Variants in RAB2A observed in about 807,000 individuals in gnomAD.
The protein encoded by RAB2A is ras-related protein Rab-2A.
In RAB2A, 7 loss-of-function variants were observed where a neutral mutation model predicts 32.5. The observed-to-expected ratio is 0.22, with a 90% CI of 0.12 to 0.40. The LOEUF (loss-of-function observed/expected upper bound fraction) is 0.40. Ranked by LOEUF, RAB2A falls within the 10% of genes least tolerant of loss-of-function variation. The pLI, the probability that RAB2A is intolerant of heterozygous loss-of-function variation, is 1.00. For synonymous variants in RAB2A, 79 were observed against 85.2 expected, an observed-to-expected ratio of 0.93 and a Z score of 0.40; for missense variants, 108 against 260.7, an observed-to-expected ratio of 0.41 and a Z score of 4.03.
At chr8:60,612,837 C>T (rs943854359) in intron 6 of RAB2A, among the ~76,000 whole-genome samples, 6 of 152,154 alleles carry the variant, frequency 3.9e-5, no homozygotes, top group East Asian at 1.9e-4. Context: ...TAGAAAGAGG[C>T]GGGGAAGAGG....
chr8:60,551,246 G>T (rs1375675066), intron 1 of RAB2A, among the ~76,000 whole-genome samples: 1 of 152,086 alleles, frequency 6.6e-6, no homozygotes, highest in African/African-American at 2.4e-5. Context: ...CACACATGTT[G>T]GGAAAAAACA....
At chr8:60,585,302 G>A (rs1486458080) in intron 5 of RAB2A, among the ~76,000 whole-genome samples, 3 of 150,578 alleles carry the variant, frequency 2.0e-5, no homozygotes, top group Non-Finnish European at 4.4e-5. Context: ...GTTTTGTTTT[G>A]TTTTGTTTTG....
intron 6 of RAB2A, among the ~76,000 whole-genome samples, chr8:60,617,726 CAG>C (rs1346373821): frequency 6.6e-6 from 1 of 152,154 alleles, no homozygotes; most frequent in Non-Finnish European, 1.5e-5. Context: ...TCCTAGGCGA[CAG>C]GGTGAGCCCC....
intron 6 of RAB2A, among the ~76,000 whole-genome samples, chr8:60,595,930 T>C (rs1586104867): frequency 1.3e-5 from 2 of 152,130 alleles, no homozygotes; most frequent in East Asian, 1.9e-4. Context: ...TAACAGAAAA[T>C]AGGAAAATCT....
chr8:60,585,282 T>TTTTGTTTTGTTTTGTTTTG lies in RAB2A; in HGVS notation c.362+470_362+471insGTTTTGTTTTGTTTTGTTT, dbSNP rs1563478268. 2.5e-3 allele frequency among the ~76,000 whole-genome samples: 367 copies of TTTTGTTTTGTTTTGTTTTG among 148,652 alleles called. 3 individuals carry two copies. The highest frequency in any genetic ancestry group is 8.3e-3 in the African/African-American group (329 of 39,600). ...ATTTTCAAAATGCTAGGCACCATTC[T>TTTTGTTTTGTTTTGTTTTG]TTTTGTTTTGTTTTGTTTTGTTTTG... On this transcript the variant is annotated intron_variant, in intron 5 of 7. Coordinates refer to ENST00000262646, the MANE Select transcript of RAB2A (RefSeq NM_002865.3).
Position 60,620,657 on chromosome 8 carries a change from G to A in RAB2A, c.544-17G>A. 7.0e-6 allele frequency: 11 copies of A among 1,561,620 alleles called. No homozygotes were observed. The highest frequency in any genetic ancestry group is 9.7e-6 in the Non-Finnish European group (11 of 1,134,276). On this transcript the variant is annotated splice_polypyrimidine_tract_variant and intron_variant, in intron 7 of 7. Coordinates refer to ENST00000262646, the MANE Select transcript of RAB2A (RefSeq NM_002865.3). ...ATTGTCTGGTCATATTTATTGTTCT[G>A]TTCTCTTTTATTTCAGGCAAATGGC... is the stretch of plus-strand genomic sequence containing the variant.
At chr8:60,527,547 C>T (rs930695488) in intron 1 of RAB2A, among the ~76,000 whole-genome samples, 1 of 152,106 alleles carries the variant, frequency 6.6e-6, no homozygotes, top group African/African-American at 2.4e-5. Context: ...GGCCACTCCC[C>T]TAGCATGTGG....
rs533899685 is a variant in RAB2A, at chr8:60,547,531, TC to T, written c.47-11315del. Among the ~76,000 whole-genome samples the T allele has an allele frequency of 1.3e-4, 14 of 108,574 alleles. No individual in the cohort carries two copies. The East Asian group carries it at 3.8e-3, about 30-fold the overall frequency. The allele number at this position is 108,574 out of a possible 152,430, so 71.2% of individuals were successfully genotyped here. A position where few individuals can be genotyped will look rare whatever the true frequency, so the allele number is the denominator to read the frequency against. ...GCAGCTGGCCGGACGGGGGGCTGAC[TC>T]CCCCCACCTCCCTCCTGGATGGGGC... is the stretch of plus-strand genomic sequence containing the variant. On this transcript the variant is annotated intron_variant, in intron 1 of 7. Coordinates refer to ENST00000262646, the MANE Select transcript of RAB2A (RefSeq NM_002865.3).
chr8:60,596,713 G>T (rs1804035566), intron 6 of RAB2A, among the ~76,000 whole-genome samples: 1 of 152,036 alleles, frequency 6.6e-6, no homozygotes, highest in Non-Finnish European at 1.5e-5. Flanking sequence ...ACAAGGTCAG[G>T]AGATGAGACC....
chr8:60,612,460 AG>A (rs1804367822), intron 6 of RAB2A, among the ~76,000 whole-genome samples: 1 of 152,204 alleles, frequency 6.6e-6, no homozygotes, highest in Non-Finnish European at 1.5e-5. Context: ...AAATAATCCT[AG>A]AAATCCAATA....
intron 1 of RAB2A, chr8:60,552,364 C>G (rs547317730): frequency 5.9e-5 from 9 of 152,292 alleles, no homozygotes; most frequent in African/African-American, 2.2e-4. Context: ...TCTAGAACTC[C>G]TGGCCTCAAG....
intron 1 of RAB2A, chr8:60,558,480 A>G (rs755506443): frequency 2.7e-5 from 14 of 511,740 alleles, no homozygotes; most frequent in Non-Finnish European, 4.7e-5. Context: ...AGTATGATAA[A>G]ATGAACTATT....
chr8:60,579,022 T>C (rs900578843), intron 3 of RAB2A, among the ~76,000 whole-genome samples: 21 of 152,112 alleles, frequency 1.4e-4, no homozygotes, highest in Admixed American at 3.9e-4. Context: ...ATTTTGTGAA[T>C]GTTTTTTTGT....
At chr8:60,526,150 G>C (rs1418579740) in intron 1 of RAB2A, among the ~76,000 whole-genome samples, 4 of 151,202 alleles carry the variant, frequency 2.6e-5, no homozygotes, top group Non-Finnish European at 5.9e-5. Context: ...GAAGTCTAAC[G>C]TGTCACTGGG....
In RAB2A at chr8:60,517,179, G is replaced by T; in HGVS notation, c.-29G>T. 1.4e-6 allele frequency: 2 copies of T among 1,478,572 alleles called. No individual in the cohort carries two copies. The highest frequency in any genetic ancestry group is 1.3e-5 in the South Asian group (1 of 76,952). 91.6% of individuals were successfully genotyped at this position (1,478,572 alleles called of 1,614,324 possible). On this transcript the variant is annotated 5_prime_UTR_variant, in exon 1 of 8. Transcript: ENST00000262646. ...AGGAGCAGCAGCGGGAGGAGGAGCCGTGTGCCCTGGCACTGAGCGGCCGCG... is the reference window on the plus strand; with the variant it reads ...AGGAGCAGCAGCGGGAGGAGGAGCCTTGTGCCCTGGCACTGAGCGGCCGCG...
chr8:60,592,192 G>A (rs779533840), intron 6 of RAB2A: 10 of 312,622 alleles, frequency 3.2e-5, no homozygotes, highest in South Asian at 8.6e-5. Flanking sequence ...ATTTTTGTAC[G>A]TATTTTCACT....
intron 5 of RAB2A, among the ~76,000 whole-genome samples, chr8:60,588,651 T>A (rs931335686): frequency 1.3e-5 from 2 of 152,214 alleles, no homozygotes; most frequent in Non-Finnish European, 2.9e-5. Flanking sequence ...AGAAAGCAGA[T>A]CATCAGCTGC....
intron 5 of RAB2A, among the ~76,000 whole-genome samples, chr8:60,588,154 A>G (rs564771171): frequency 1.3e-5 from 2 of 152,194 alleles, no homozygotes; most frequent in Non-Finnish European, 2.9e-5. Context: ...ATGGTGGTAC[A>G]TACTTGTAGT....
chr8:60,557,004 G>C (rs1046384873), intron 1 of RAB2A, among the ~76,000 whole-genome samples: 28 of 152,136 alleles, frequency 1.8e-4, no homozygotes, highest in African/African-American at 5.8e-4. Context: ...TTTGGACATA[G>C]AGCAAATTCC....
Sources: allele counts gnomAD v4.1 joint callset (sites outside exome capture counted in the v4.1 genomes callset), GRCh38; gene constraint gnomAD v4.1.1; transcripts MANE v1.5; gene names NCBI Gene and HGNC (gene_info 2026-07-23, HGNC 2026-07-21).